The following LDB2 variants were observed in gnomAD, a reference collection of about 807,000 sequenced individuals.
The protein encoded by LDB2 is LIM domain-binding protein 2.
Under a neutral mutation model 44.3 loss-of-function variants are expected in LDB2, and 12 were observed. That is an observed-to-expected ratio of 0.27 (90% CI 0.17 to 0.44). The LOEUF is 0.44. Among genes scored for constraint, LDB2 ranks in the 20% least tolerant of loss-of-function variants. The probability of loss-of-function intolerance (pLI) is 1.00; values close to 1 mark genes in which losing one functional copy is unlikely to be tolerated. For synonymous variants in LDB2, 164 were observed against 174.8 expected, an observed-to-expected ratio of 0.94 and a Z score of 0.49; for missense variants, 344 against 473.5, an observed-to-expected ratio of 0.73 and a Z score of 2.54.
intron 2 of LDB2, among the ~76,000 whole-genome samples, chr4:16,610,751 A>G (rs1725384964): frequency 6.6e-6 from 1 of 152,196 alleles, no homozygotes; most frequent in African/African-American, 2.4e-5. Flanking sequence ...GGAGTACCAG[A>G]ATGTGATGGG....
At chr4:16,857,326 A>T (rs1441669080) in intron 1 of LDB2, among the ~76,000 whole-genome samples, 1 of 152,086 alleles carries the variant, frequency 6.6e-6, no homozygotes, top group Non-Finnish European at 1.5e-5. Flanking sequence ...CTCCACTTCT[A>T]CTACTCACAT....
At chr4:16,753,222 T>A (rs1765826028) in intron 2 of LDB2, among the ~76,000 whole-genome samples, 1 of 152,224 alleles carries the variant, frequency 6.6e-6, no homozygotes. Flanking sequence ...GGAGTGATTT[T>A]CCCAGAAACA....
chr4:16,714,166 A>G (rs1157941214), intron 2 of LDB2, among the ~76,000 whole-genome samples: 1 of 152,234 alleles, frequency 6.6e-6, no homozygotes, highest in Non-Finnish European at 1.5e-5. Flanking sequence ...AGTTTATCCT[A>G]AGAAACTGGA....
At chr4:16,639,612 C>T (rs1734596618) in intron 2 of LDB2, among the ~76,000 whole-genome samples, 1 of 152,232 alleles carries the variant, frequency 6.6e-6, no homozygotes, top group African/African-American at 2.4e-5. Flanking sequence ...AAGGCATGTG[C>T]CACCACACTT....
At chr4:16,555,214 G>A (rs773919261) in intron 5 of LDB2, among the ~76,000 whole-genome samples, 1 of 152,066 alleles carries the variant, frequency 6.6e-6, no homozygotes, top group African/African-American at 2.4e-5. Context: ...TGAGGACCAG[G>A]AGTTTTAAAA....
At position 16,813,835 on chromosome 4, in the gene LDB2, G is replaced by A. The variant is rs145456723; in HGVS notation, c.133-54575C>T. Among the ~76,000 whole-genome samples the A allele has an allele frequency of 1.8e-4, 27 of 152,106 alleles. No individual in the cohort carries two copies. The East Asian group carries it at 4.8e-3, about 27-fold the overall frequency. On this transcript the variant is annotated intron_variant, in intron 1 of 7. Coordinates refer to ENST00000304523, the MANE Select transcript of LDB2 (RefSeq NM_001290.5). ...GTTCGTTTGGGCTTTGGCGGGTAAA[G>A]GGGCTACCCACAGGGATACTGATTT...
chr4:16,513,150 A>T (rs960320832), intron 5 of LDB2, among the ~76,000 whole-genome samples: 6 of 152,130 alleles, frequency 3.9e-5, no homozygotes. Flanking sequence ...CATCTTGAAC[A>T]TGTCCCTAGA....
At chr4:16,872,237 G>A (rs930570465) in intron 1 of LDB2, among the ~76,000 whole-genome samples, 9 of 151,618 alleles carry the variant, frequency 5.9e-5, no homozygotes, top group Admixed American at 2.6e-4. Flanking sequence ...CTTTGACCAC[G>A]TTATCTAAAG....
intron 1 of LDB2, 74 bp from the exon 2 acceptor site, chr4:16,759,334 G>T (rs1346551598): frequency 8.6e-6 from 10 of 1,163,172 alleles, no homozygotes; most frequent in Non-Finnish European, 1.3e-5. Flanking sequence ...AAAGGGAAGA[G>T]AAAGAAAAAC....
intron 1 of LDB2, among the ~76,000 whole-genome samples, chr4:16,822,169 G>A (rs993265048): frequency 6.6e-6 from 1 of 151,824 alleles, no homozygotes; most frequent in African/African-American, 2.4e-5. Context: ...GTACAGCTCA[G>A]CTGCTATCTG....
At chr4:16,878,692 T>A (rs1719141203) in intron 1 of LDB2, among the ~76,000 whole-genome samples, 1 of 152,254 alleles carries the variant, frequency 6.6e-6, no homozygotes, top group Non-Finnish European at 1.5e-5. Context: ...CCAACCTGCA[T>A]CATCAGCTTC....
chr4:16,588,650 T>G, intron 4 of LDB2, 60 bp downstream of exon 4: 12 of 1,566,702 alleles, frequency 7.7e-6, no homozygotes, highest in Non-Finnish European at 1.0e-5. Flanking sequence ...TTTTTCCCCT[T>G]GAGTGAAATG....
At chr4:16,633,922 C>A (rs909689938) in intron 2 of LDB2, among the ~76,000 whole-genome samples, 1 of 152,084 alleles carries the variant, frequency 6.6e-6, no homozygotes, top group African/African-American at 2.4e-5. Flanking sequence ...GATATATAGA[C>A]CAATGGAACA....
chr4:16,762,597 C>G (rs552282041), intron 1 of LDB2, among the ~76,000 whole-genome samples: 6 of 152,072 alleles, frequency 3.9e-5, no homozygotes, highest in Admixed American at 1.3e-4. Flanking sequence ...CGCACTATCA[C>G]GAGAACAAGA....
At chr4:16,577,188 A>G (rs1712015890) in intron 5 of LDB2, among the ~76,000 whole-genome samples, 1 of 152,172 alleles carries the variant, frequency 6.6e-6, no homozygotes, top group South Asian at 2.1e-4. Context: ...GATGCCCACT[A>G]TTATCACTGT....
intron 1 of LDB2, among the ~76,000 whole-genome samples, chr4:16,760,847 G>A (rs76044356): frequency 0.017 from 2,534 of 152,232 alleles, 42 homozygotes; most frequent in East Asian, 0.078. Flanking sequence ...TCGGAAGACT[G>A]GATACATTGG....
intron 1 of LDB2, among the ~76,000 whole-genome samples, chr4:16,873,717 GT>G (rs1307689201): frequency 3.3e-5 from 5 of 151,990 alleles, no homozygotes; most frequent in African/African-American, 9.7e-5. Context: ...TGGTGGCAAA[GT>G]TTTTTTTCAT....
intron 3 of LDB2, among the ~76,000 whole-genome samples, chr4:16,593,590 T>C (rs1226021553): frequency 6.6e-6 from 1 of 152,190 alleles, no homozygotes; most frequent in East Asian, 1.9e-4. Flanking sequence ...TGAGCTCCAT[T>C]TCCCAGAAAG....
At chr4:16,766,245 T>C (rs1769176201) in intron 1 of LDB2, among the ~76,000 whole-genome samples, 1 of 152,044 alleles carries the variant, frequency 6.6e-6, no homozygotes, top group African/African-American at 2.4e-5. Context: ...TATACATGCA[T>C]GATTCCACTC....
Sources: gnomAD v4.1 joint callset for allele counts (sites outside exome capture counted in the v4.1 genomes callset) on GRCh38, gnomAD v4.1.1 for gene constraint, MANE v1.5 for transcripts, NCBI Gene and HGNC (gene_info 2026-07-23, HGNC 2026-07-21) for gene names.